Variants in WWOX observed in about 807,000 individuals in gnomAD.
WWOX encodes the protein WW domain containing oxidoreductase.
Under a neutral mutation model 46.2 loss-of-function variants are expected in WWOX, and 69 were observed. The observed-to-expected ratio is 1.49, with a 90% confidence interval of 1.23 to 1.82. WWOX has a LOEUF of 1.82. WWOX is among the 40% of genes most tolerant of loss of function. The probability of loss-of-function intolerance (pLI) is 0.00; values close to 1 mark genes in which losing one functional copy is unlikely to be tolerated. For synonymous variants in WWOX, 359 were observed against 202.6 expected (o/e 1.77, Z -6.56); for missense variants, 919 against 542.6 (o/e 1.69, Z -6.89).
intron 8 of WWOX, among the ~76,000 whole-genome samples, chr16:79,116,945 G>C (rs1370384274): frequency 1.3e-5 from 2 of 152,096 alleles, no homozygotes; most frequent in Non-Finnish European, 2.9e-5. Flanking sequence ...ATAGGCTGCA[G>C]ACTGGGCATT....
rs556369959 is a variant in WWOX, at chr16:78,309,813, A to G, written c.517-77047A>G. On this transcript the variant is annotated intron_variant, in intron 5 of 8. Coordinates refer to ENST00000566780, the MANE Select transcript of WWOX (RefSeq NM_016373.4). ...CAGCAGTGTCTGTCTTGTGGTCCTGAAGTCTAACTCTAATCCTGGCTCCAC... is the reference window on the plus strand; with the variant it reads ...CAGCAGTGTCTGTCTTGTGGTCCTGGAGTCTAACTCTAATCCTGGCTCCAC... Among the ~76,000 whole-genome samples, 6 of 152,328 alleles carry G rather than the reference A, an allele frequency of 3.9e-5. 1 individual carries two copies. In the East Asian group the frequency reaches 9.6e-4, roughly 24 times the overall value.
chr16:78,160,362 C>A (rs761388370), intron 4 of WWOX, among the ~76,000 whole-genome samples: 1 of 152,048 alleles, frequency 6.6e-6, no homozygotes, highest in Non-Finnish European at 1.5e-5. Context: ...TGGGCTCAAG[C>A]GATCCACCCG....
intron 8 of WWOX, among the ~76,000 whole-genome samples, chr16:79,209,000 A>C (rs2051618602): frequency 6.6e-6 from 1 of 152,170 alleles, no homozygotes; most frequent in South Asian, 2.1e-4. Context: ...TGATTTTTGG[A>C]GTAGAGAAGG....
intron 8 of WWOX, among the ~76,000 whole-genome samples, chr16:78,509,045 A>C (rs538531297): frequency 6.6e-6 from 1 of 152,254 alleles, no homozygotes; most frequent in African/African-American, 2.4e-5. Context: ...GTGTGCGTGC[A>C]CACCTGCCTG....
rs762479658 is a variant in WWOX, at chr16:78,100,139, G to A, written c.107+254G>A. ...GCTGTTCAGGATGCAGCACTGCGCG[G>A]CGCGGCGAGGGCAAAGCGGCCTCAT... On this transcript the variant is annotated intron_variant, in intron 1 of 8. Coordinates refer to ENST00000566780, the MANE Select transcript of WWOX (RefSeq NM_016373.4). 196 of 1,327,368 alleles carry A rather than the reference G, an allele frequency of 1.5e-4. No homozygotes were observed. The Middle Eastern group carries it at 2.0e-3, about 14-fold the overall frequency. 82.2% of individuals were successfully genotyped at this position (1,327,368 alleles called of 1,614,324 possible).
chr16:78,438,703 A>T (rs2083383633), intron 8 of WWOX, among the ~76,000 whole-genome samples: 1 of 152,190 alleles, frequency 6.6e-6, no homozygotes, highest in African/African-American at 2.4e-5. Flanking sequence ...ATCATTTTAC[A>T]TTAAAAAATG....
At position 78,977,553 on chromosome 16, in the gene WWOX, C is replaced by T. The variant is rs117883909; in HGVS notation, c.1057-234055C>T. On this transcript the variant is annotated intron_variant, in intron 8 of 8. Transcript: ENST00000566780. ...CATGTGTCCTTGTCTGGGGGAGTCG[C>T]TTAATTTCCTTTTTCTTTGAGGGGC... Among the ~76,000 whole-genome samples, 4 of 152,178 alleles carry T rather than the reference C, an allele frequency of 2.6e-5. No individual in the cohort carries two copies. The East Asian group carries it at 7.7e-4, about 29-fold the overall frequency.
intron 5 of WWOX, among the ~76,000 whole-genome samples, chr16:78,307,751 C>T (rs1375952365): frequency 6.6e-6 from 1 of 151,476 alleles, no homozygotes; most frequent in Admixed American, 6.5e-5. Context: ...CTGCCTCCCA[C>T]ATACTGGACC....
chr16:78,912,993 G>C (rs975148031), intron 8 of WWOX, among the ~76,000 whole-genome samples: 1 of 152,032 alleles, frequency 6.6e-6, no homozygotes, highest in Non-Finnish European at 1.5e-5. Flanking sequence ...CCAGAAGGAT[G>C]ATTAGCCTTC....
intron 8 of WWOX, among the ~76,000 whole-genome samples, chr16:78,964,408 A>C (rs1208364594): frequency 6.6e-6 from 1 of 152,158 alleles, no homozygotes; most frequent in Non-Finnish European, 1.5e-5. Flanking sequence ...TTTAACAAAG[A>C]GACTGGCAGC....
At chr16:78,921,408 G>C (rs910930731) in intron 8 of WWOX, among the ~76,000 whole-genome samples, 1 of 152,210 alleles carries the variant, frequency 6.6e-6, no homozygotes, top group South Asian at 2.1e-4. Context: ...AGTAAAATTA[G>C]GAGAGTAGAT....
At chr16:78,931,901 T>G (rs1426055863) in intron 8 of WWOX, among the ~76,000 whole-genome samples, 1 of 152,180 alleles carries the variant, frequency 6.6e-6, no homozygotes, top group African/African-American at 2.4e-5. Context: ...GTCTTTCCCA[T>G]GCTGTTGTTA....
At chr16:78,432,149 G>T (rs28492890) in intron 7 of WWOX, among the ~76,000 whole-genome samples, 26,450 of 149,614 alleles carry the variant, frequency 0.18, 3,055 homozygotes, top group East Asian at 0.3. Context: ...ACCGAGTCTA[G>T]CTCTGTCACC....
chr16:78,629,032 T>C (rs1169163608), intron 8 of WWOX, among the ~76,000 whole-genome samples: 1 of 152,226 alleles, frequency 6.6e-6, no homozygotes, highest in African/African-American at 2.4e-5. Flanking sequence ...AACTGGATTT[T>C]TAACCCAATA....
chr16:78,247,035 C>T (rs1186203199), intron 5 of WWOX, among the ~76,000 whole-genome samples: 1 of 152,062 alleles, frequency 6.6e-6, no homozygotes, highest in Non-Finnish European at 1.5e-5. Flanking sequence ...CACATCTTTC[C>T]TTGAAAGATG....
chr16:78,929,904 G>A (rs187054251), intron 8 of WWOX, among the ~76,000 whole-genome samples: 1 of 152,238 alleles, frequency 6.6e-6, no homozygotes, highest in African/African-American at 2.4e-5. Flanking sequence ...CTTAGAAGCA[G>A]AATTTTCTAA....
chr16:78,958,524 T>C (rs2046213583), intron 8 of WWOX, among the ~76,000 whole-genome samples: 1 of 152,220 alleles, frequency 6.6e-6, no homozygotes, highest in African/African-American at 2.4e-5. Flanking sequence ...CAGGTAGTTT[T>C]GCCAATTTGG....
chr16:78,652,370 G>C (rs990590854), intron 8 of WWOX, among the ~76,000 whole-genome samples: 3 of 142,900 alleles, frequency 2.1e-5, no homozygotes, highest in South Asian at 2.3e-4. Flanking sequence ...GGTCACGCCA[G>C]TGTACTCCAG....
chr16:78,468,495 T>A (rs1378933521), intron 8 of WWOX, among the ~76,000 whole-genome samples: 1 of 152,150 alleles, frequency 6.6e-6, no homozygotes, highest in East Asian at 1.9e-4. Flanking sequence ...GGAATGCTGT[T>A]CTTGGAAGGG....
Sources: gnomAD v4.1 joint callset for allele counts (sites outside exome capture counted in the v4.1 genomes callset) on GRCh38, gnomAD v4.1.1 for gene constraint, MANE v1.5 for transcripts, NCBI Gene and HGNC (gene_info 2026-07-23, HGNC 2026-07-21) for gene names.